Variants in SCRG1 observed in about 807,000 individuals in gnomAD.
The protein encoded by SCRG1 is stimulator of chondrogenesis 1, also known as scrapie-responsive protein 1.
Under a neutral mutation model 7.7 loss-of-function variants are expected in SCRG1, and 3 were observed. That is an observed-to-expected ratio of 0.39 (90% CI 0.18 to 1.01). The LOEUF is 1.01. SCRG1 is among the 50% of genes least tolerant of loss of function. SCRG1 has a pLI of 0.36. For missense variants in SCRG1, 110 were observed against 117.2 expected, an observed-to-expected ratio of 0.94 and a Z score of 0.28; for synonymous variants, 46 against 41.2, an observed-to-expected ratio of 1.12 and a Z score of -0.44.
At chr4:173,412,803 C>T in the SCRG1 span, among the ~76,000 whole-genome samples, 2 of 152,144 alleles carry the variant, frequency 1.3e-5, no homozygotes, top group African/African-American at 4.8e-5. Context: ...GTTCTCCACA[C>T]AGCTGGGTAC....
chr4:173,394,684 A>G (rs1739549858), intron 1 of SCRG1, among the ~76,000 whole-genome samples: 1 of 152,198 alleles, frequency 6.6e-6, no homozygotes, highest in Admixed American at 6.5e-5. Context: ...TTGAGGTAAT[A>G]ACAACTTAAC....
the SCRG1 span, among the ~76,000 whole-genome samples, chr4:173,462,135 G>A: frequency 6.6e-6 from 1 of 152,108 alleles, no homozygotes; most frequent in Non-Finnish European, 1.5e-5. Context: ...GAGGTAGAAA[G>A]TTTATTCAAA....
chr4:173,492,461 C>G, the SCRG1 span, among the ~76,000 whole-genome samples: 1 of 152,102 alleles, frequency 6.6e-6, no homozygotes, highest in African/African-American at 2.4e-5. Context: ...TACACTACTC[C>G]ATGCCCACAC....
the SCRG1 span, among the ~76,000 whole-genome samples, chr4:173,508,659 C>T: frequency 2.0e-5 from 3 of 152,134 alleles, no homozygotes; most frequent in East Asian, 1.9e-4. The surrounding 1 kb of genome is among the most constrained non-coding windows in gnomAD (Gnocchi z 4.4). Context: ...GCCTGCCGCC[C>T]GAATCTCCCC....
At chr4:173,509,148 C>T in the SCRG1 span, among the ~76,000 whole-genome samples, 1 of 152,128 alleles carries the variant, frequency 6.6e-6, no homozygotes, top group East Asian at 1.9e-4. The surrounding 1 kb of genome is among the most constrained non-coding windows in gnomAD (Gnocchi z 5.7). Flanking sequence ...CTCTTGTTTT[C>T]TCATGCAAAT....
At chr4:173,465,020 T>C in the SCRG1 span, among the ~76,000 whole-genome samples, 1 of 152,340 alleles carries the variant, frequency 6.6e-6, no homozygotes, top group East Asian at 1.9e-4. Flanking sequence ...ATTCCACTTA[T>C]ATCAAGTACC....
At chr4:173,418,120 A>G in the SCRG1 span, among the ~76,000 whole-genome samples, 134 of 152,326 alleles carry the variant, frequency 8.8e-4, 2 homozygotes, top group East Asian at 8.9e-3. Context: ...GAGCTCAGTA[A>G]GGTCATATTG....
chr4:173,486,567 T>G, the SCRG1 span, among the ~76,000 whole-genome samples: 115 of 152,298 alleles, frequency 7.6e-4, no homozygotes, highest in Non-Finnish European at 1.3e-3. Context: ...ACACACCATT[T>G]AAAAATATAT....
At chr4:173,517,593 C>G in the SCRG1 span, among the ~76,000 whole-genome samples, 22,916 of 152,202 alleles carry the variant, frequency 0.15, 2,157 homozygotes, top group Middle Eastern at 0.27. Context: ...TTACACCAAC[C>G]TGAGAAGAAT....
chr4:173,508,496 TC>T, the SCRG1 span, among the ~76,000 whole-genome samples: 1 of 152,024 alleles, frequency 6.6e-6, no homozygotes, highest in East Asian at 1.9e-4. This position sits in a 1 kb window ranked among gnomAD's most constrained non-coding sequence, Gnocchi z 4.4. Context: ...TTTTCCACCT[TC>T]CGGACCTCTG....
chr4:173,509,440 G>A, the SCRG1 span, among the ~76,000 whole-genome samples: 745 of 152,320 alleles, frequency 4.9e-3, 1 homozygote, highest in Non-Finnish European at 7.2e-3. The surrounding 1 kb of genome is among the most constrained non-coding windows in gnomAD (Gnocchi z 5.7). Context: ...GGGTCGAGAC[G>A]GTGTCGGTAG....
At chr4:173,455,512 C>T in the SCRG1 span, among the ~76,000 whole-genome samples, 1 of 152,238 alleles carries the variant, frequency 6.6e-6, no homozygotes, top group South Asian at 2.1e-4. Context: ...AAGTTGGGAA[C>T]CACAGCACTT....
At chr4:173,460,402 G>T in the SCRG1 span, among the ~76,000 whole-genome samples, 1 of 152,168 alleles carries the variant, frequency 6.6e-6, no homozygotes, top group Non-Finnish European at 1.5e-5. Context: ...CTTCAAAAGA[G>T]ACCTTCTCCT....
At chr4:173,513,879 C>G in the SCRG1 span, among the ~76,000 whole-genome samples, 1 of 152,170 alleles carries the variant, frequency 6.6e-6, no homozygotes, top group Non-Finnish European at 1.5e-5. Context: ...ACTGGACAGA[C>G]TTCAGTGGGT....
At chr4:173,430,458 T>A in the SCRG1 span, among the ~76,000 whole-genome samples, 1 of 152,066 alleles carries the variant, frequency 6.6e-6, no homozygotes, top group Non-Finnish European at 1.5e-5. Flanking sequence ...CTATAGGTAA[T>A]GTGCCACCCA....
chr4:173,485,400 T>A, the SCRG1 span, among the ~76,000 whole-genome samples: 2 of 149,658 alleles, frequency 1.3e-5, no homozygotes, highest in Admixed American at 1.4e-4. Context: ...CAACAACAAG[T>A]ACCAAACATG....
chr4:173,498,844 T>C, the SCRG1 span, among the ~76,000 whole-genome samples: 4 of 152,182 alleles, frequency 2.6e-5, no homozygotes, highest in African/African-American at 9.7e-5. Context: ...AGCAGTGAGT[T>C]GATGGCAAAG....
the SCRG1 span, among the ~76,000 whole-genome samples, chr4:173,514,884 G>A: frequency 6.6e-6 from 1 of 152,150 alleles, no homozygotes; most frequent in African/African-American, 2.4e-5. Flanking sequence ...CTTGTTTAAA[G>A]GTATGCTATA....
chr4:173,418,720 G>C, the SCRG1 span, among the ~76,000 whole-genome samples: 1 of 152,140 alleles, frequency 6.6e-6, no homozygotes, highest in Non-Finnish European at 1.5e-5. Context: ...GGGCCAGGTG[G>C]GAAGTGATTG....
Sources: gnomAD v4.1 joint callset for allele counts (sites outside exome capture counted in the v4.1 genomes callset) on GRCh38, gnomAD v4.1.1 for gene constraint, Gnocchi (gnomAD v3.1) non-coding constraint, MANE v1.5 for transcripts, NCBI Gene and HGNC (gene_info 2026-07-23, HGNC 2026-07-21) for gene names.